The following WDR20 variants were observed in gnomAD, a reference collection of about 807,000 sequenced individuals.
WDR20 encodes the protein WD repeat domain 20.
A neutral mutation model predicts 38.7 loss-of-function variants in WDR20; 3 were observed. The observed-to-expected ratio is 0.08, with a 90% CI of 0.04 to 0.20. The LOEUF is 0.20. WDR20 is among the 10% of genes least tolerant of loss of function. The probability of loss-of-function intolerance (pLI) is 1.00; values close to 1 mark genes in which losing one functional copy is unlikely to be tolerated. For missense variants in WDR20, 559 were observed against 727.7 expected (o/e 0.77, Z 2.67); for synonymous variants, 298 against 285.6 (o/e 1.04, Z -0.44).
At position 102,148,565 on chromosome 14, in the gene WDR20, T is replaced by C. The variant is rs146707991; in HGVS notation, c.249+8393T>C. 6.1e-4 allele frequency among the ~76,000 whole-genome samples: 93 copies of C among 151,478 alleles called. No homozygotes were observed. In the East Asian group the frequency reaches 0.015, roughly 24 times the overall value. On this transcript the variant is annotated intron_variant, in intron 1 of 2. Transcript: ENST00000342702. ...CAAAAAAAAAAAAAAATCATAATCCTCATTCATCAAGCATTTATTGATGAC... is the reference window on the plus strand; with the variant it reads ...CAAAAAAAAAAAAAAATCATAATCCCCATTCATCAAGCATTTATTGATGAC...
chr14:102,147,053 A>C lies in WDR20; in HGVS notation c.249+6881A>C, dbSNP rs370407164. On this transcript the variant is annotated intron_variant, in intron 1 of 2. Coordinates refer to ENST00000342702, the MANE Select transcript of WDR20 (RefSeq NM_144574.4). ...ATCTTAATGTATCATTTAAAGCAGG[A>C]GATACTTTCATACTATACCTGGGTT... Among the ~76,000 whole-genome samples, 58 of 152,250 alleles carry C rather than the reference A, an allele frequency of 3.8e-4. No individual in the cohort carries two copies. In the South Asian group the frequency reaches 0.012, roughly 30 times the overall value.
rs1161057218 is a variant in WDR20, at chr14:102,202,662, G to A, written c.433-5941G>A. On this transcript the variant is annotated intron_variant, in intron 2 of 2. Transcript: ENST00000342702. ...CCCAAAGTACTGGGATTACAGGTGT[G>A]AGCCACTGCGCCGGGCCTGTACGGA... Among the ~76,000 whole-genome samples, 3 of 152,188 alleles carry A rather than the reference G, an allele frequency of 2.0e-5. 1 individual carries two copies. The highest frequency in any genetic ancestry group is 6.8e-3 in the Middle Eastern group (2 of 294).
intron 1 of WDR20, among the ~76,000 whole-genome samples, chr14:102,160,947 CAA>C (rs57488628): frequency 0.027 from 1,461 of 54,592 alleles, 35 homozygotes; most frequent in African/African-American, 0.1. Flanking sequence ...GACTCTGTCT[CAA>C]AAAAAAAAAA....
downstream of WDR20, among the ~76,000 whole-genome samples, chr14:102,210,681 C>G (rs1221665006): frequency 6.9e-6 from 1 of 145,426 alleles, no homozygotes; most frequent in East Asian, 2.1e-4. Flanking sequence ...TTCAGATGCA[C>G]TTTGCTTGTG....
intron 1 of WDR20, among the ~76,000 whole-genome samples, chr14:102,188,658 A>G (rs1425474164): frequency 6.6e-6 from 1 of 151,874 alleles, no homozygotes; most frequent in Non-Finnish European, 1.5e-5. Context: ...CTTGGAGCCT[A>G]GGAGTTTGAT....
At chr14:102,147,324 G>A (rs1029812063) in intron 1 of WDR20, among the ~76,000 whole-genome samples, 8 of 152,224 alleles carry the variant, frequency 5.3e-5, no homozygotes, top group Admixed American at 3.9e-4. Context: ...AGGAGGTGGA[G>A]GTTGCAGTGA....
At chr14:102,188,518 A>T (rs1244126470) in intron 1 of WDR20, among the ~76,000 whole-genome samples, 1 of 152,152 alleles carries the variant, frequency 6.6e-6, no homozygotes. Context: ...CTATAGGCTC[A>T]TTAGTGCCAT....
chr14:102,170,010 T>A (rs1255431737), intron 1 of WDR20, among the ~76,000 whole-genome samples: 1 of 152,146 alleles, frequency 6.6e-6, no homozygotes, highest in Non-Finnish European at 1.5e-5. Context: ...AAGTAACCAG[T>A]ATTAAGTTCT....
chr14:102,224,551 CTA>C, downstream of WDR20: 2 of 455,966 alleles, frequency 4.4e-6, no homozygotes, highest in Non-Finnish European at 8.8e-6. Context: ...TGTCTGAAAC[CTA>C]TTTCTCTAAT....
intron 1 of WDR20, among the ~76,000 whole-genome samples, chr14:102,188,844 G>A (rs1034287700): frequency 7.0e-6 from 1 of 142,086 alleles, no homozygotes; most frequent in African/African-American, 2.6e-5. Flanking sequence ...CTGTACTCCA[G>A]TCTGGGCAGC....
At chr14:102,200,463 T>TGTGTGTG (rs1567022952) in intron 2 of WDR20, among the ~76,000 whole-genome samples, 1 of 99,628 alleles carries the variant, frequency 1.0e-5, no homozygotes, top group Non-Finnish European at 2.0e-5. Flanking sequence ...TTAAATTTTT[T>TGTGTGTG]TTTTTGTGTG....
intron 1 of WDR20, among the ~76,000 whole-genome samples, chr14:102,170,973 A>T (rs920971336): frequency 6.7e-6 from 1 of 149,836 alleles, no homozygotes; most frequent in African/African-American, 2.5e-5. Context: ...AATTATTATT[A>T]TTTTTTGACA....
At chr14:102,160,269 G>A (rs1203477) in intron 1 of WDR20, among the ~76,000 whole-genome samples, 141,483 of 152,248 alleles carry the variant, frequency 0.93, 65,780 homozygotes, top group East Asian at 1. Context: ...TTATATTTCA[G>A]TTATGCAGAA....
At chr14:102,185,475 A>G (rs1227088403) in intron 1 of WDR20, among the ~76,000 whole-genome samples, 1 of 152,088 alleles carries the variant, frequency 6.6e-6, no homozygotes, top group African/African-American at 2.4e-5. Context: ...GCATCACCCC[A>G]GCAGTAGACG....
chr14:102,151,173 A>ATTTTTTTTTTTTTTTTT (rs534503694), intron 1 of WDR20, among the ~76,000 whole-genome samples: 3 of 111,548 alleles, frequency 2.7e-5, no homozygotes, highest in Non-Finnish European at 5.2e-5. Flanking sequence ...CCATTGGGGA[A>ATTTTTTTTTTTTTTTTT]TTTTTTTTTT....
At chr14:102,204,367 C>T (rs1309342223) in intron 2 of WDR20, among the ~76,000 whole-genome samples, 1 of 152,218 alleles carries the variant, frequency 6.6e-6, no homozygotes, top group Non-Finnish European at 1.5e-5. Flanking sequence ...TCCTATTCAA[C>T]ATTGAAATCA....
At chr14:102,155,210 G>GT (rs899100526) in intron 1 of WDR20, among the ~76,000 whole-genome samples, 6 of 152,068 alleles carry the variant, frequency 3.9e-5, no homozygotes, top group African/African-American at 7.2e-5. Context: ...CTACTTCACT[G>GT]TTTTTTTAGG....
chr14:102,144,249 G>A (rs140580579), intron 1 of WDR20, among the ~76,000 whole-genome samples: 2 of 152,180 alleles, frequency 1.3e-5, no homozygotes, highest in East Asian at 1.9e-4. Flanking sequence ...TTGGGAGGCC[G>A]AGGCAGGTAG....
intron 1 of WDR20, among the ~76,000 whole-genome samples, chr14:102,166,302 TTG>T: frequency 6.6e-6 from 1 of 152,230 alleles, no homozygotes; most frequent in Non-Finnish European, 1.5e-5. Flanking sequence ...TTTATTTGCA[TTG>T]TGTGGTCATG....
Sources: gnomAD v4.1 joint callset for allele counts (sites outside exome capture counted in the v4.1 genomes callset) on GRCh38, gnomAD v4.1.1 for gene constraint, MANE v1.5 for transcripts, NCBI Gene and HGNC (gene_info 2026-07-23, HGNC 2026-07-21) for gene names.